The following HSD17B4 variants were observed in gnomAD, a reference collection of about 807,000 sequenced individuals.
HSD17B4 encodes the protein peroxisomal multifunctional enzyme type 2.
Under a neutral mutation model 101.0 loss-of-function variants are expected in HSD17B4, and 70 were observed. That is an observed-to-expected ratio of 0.69 (90% CI 0.57 to 0.85). The LOEUF (loss-of-function observed/expected upper bound fraction) is 0.85, where lower values mean the gene tolerates loss of function less well. Ranked by LOEUF, HSD17B4 falls within the 40% of genes least tolerant of loss-of-function variation. The pLI is 0.00. For missense variants in HSD17B4, 984 were observed against 892.4 expected (o/e 1.10, Z -1.31); for synonymous variants, 347 against 297.1 (o/e 1.17, Z -1.73).
chr5:119,516,570 T>A (rs1172249161), intron 17 of HSD17B4, among the ~76,000 whole-genome samples: 1 of 152,188 alleles, frequency 6.6e-6, no homozygotes, highest in Non-Finnish European at 1.5e-5. Context: ...TGGGCACTCA[T>A]CATTTGGCAG....
At chr5:119,470,617 T>C (rs759640914) in intron 2 of HSD17B4, among the ~76,000 whole-genome samples, 3 of 152,236 alleles carry the variant, frequency 2.0e-5, no homozygotes, top group Non-Finnish European at 4.4e-5. Context: ...CTAAGCTGAT[T>C]CCATCTGGAT....
chr5:119,509,435 C>A (rs769156297), intron 16 of HSD17B4, 191 bp downstream of exon 16: 62 of 694,800 alleles, frequency 8.9e-5, no homozygotes, highest in Middle Eastern at 3.4e-4. Flanking sequence ...CTCAGCCTAC[C>A]CAATGTGAGG....
chr5:119,479,387 T>C (rs1339229290), intron 8 of HSD17B4, among the ~76,000 whole-genome samples: 1 of 152,204 alleles, frequency 6.6e-6, no homozygotes, highest in Non-Finnish European at 1.5e-5. Context: ...AATTCTTCTA[T>C]ACTTTACCTC....
intron 12 of HSD17B4, among the ~76,000 whole-genome samples, chr5:119,498,553 G>C (rs10477586): frequency 0.012 from 1,858 of 152,244 alleles, 16 homozygotes; most frequent in African/African-American, 0.023. Context: ...ATATTCCTGG[G>C]AAGGAAATTC....
chr5:119,504,964 A>C (rs1448415380), intron 14 of HSD17B4, among the ~76,000 whole-genome samples: 2 of 152,194 alleles, frequency 1.3e-5, no homozygotes, highest in African/African-American at 4.8e-5. Context: ...ATTTTTCTGC[A>C]TATGGCTAGC....
At chr5:119,517,928 T>C (rs1296547938) in intron 17 of HSD17B4, among the ~76,000 whole-genome samples, 2 of 152,182 alleles carry the variant, frequency 1.3e-5, no homozygotes, top group African/African-American at 2.4e-5. Flanking sequence ...ATACTCTGTA[T>C]CTAGCTAATC....
intron 8 of HSD17B4, among the ~76,000 whole-genome samples, chr5:119,485,552 C>T (rs1040988267): frequency 6.6e-6 from 1 of 151,898 alleles, no homozygotes; most frequent in Non-Finnish European, 1.5e-5. Context: ...TTTTCTTACT[C>T]TTTTATAGTT....
At position 119,493,890 on chromosome 5, in the gene HSD17B4, C is replaced by T. The variant is rs755820270; in HGVS notation, c.812C>T (p.Ala271Val). ...CCAATGACTCCTGAGGCAGTCAAGG[C>T]TAACTGGAAGAAGATCTGTGACTTT... ...NHPMTPEAVKANWKKICDFEN... is the reference protein window; with the variant it reads ...NHPMTPEAVKVNWKKICDFEN... The change falls in exon 11 of 24, where the codon GCT becomes GTT. Residue 271 changes from alanine to valine, a missense_variant. Ala to Val is a moderately conservative substitution (Grantham distance 64). Coordinates refer to ENST00000510025, the MANE Select transcript of HSD17B4 (RefSeq NM_000414.4). The T allele has an allele frequency of 3.7e-6, 6 of 1,613,214 alleles. No homozygotes were observed. Among genetic ancestry groups the T allele is most frequent in the Non-Finnish European group, 5.1e-6 (6 of 1,179,398 alleles).
intron 16 of HSD17B4, 106 bp from the exon 17 acceptor site, chr5:119,514,875 C>T (rs1752474667): frequency 1.3e-6 from 1 of 745,998 alleles, no homozygotes; most frequent in South Asian, 1.5e-5. Flanking sequence ...ATCCAATTTG[C>T]AGAGTTTATT....
At chr5:119,481,202 T>G (rs1179377896) in intron 8 of HSD17B4, among the ~76,000 whole-genome samples, 1 of 152,122 alleles carries the variant, frequency 6.6e-6, no homozygotes, top group East Asian at 1.9e-4. Context: ...TCTTTACAAT[T>G]TATGTTTAGA....
intron 16 of HSD17B4, among the ~76,000 whole-genome samples, chr5:119,513,067 G>T (rs989233497): frequency 6.6e-6 from 1 of 152,132 alleles, no homozygotes; most frequent in Admixed American, 6.5e-5. Flanking sequence ...AAAAAAAGTT[G>T]TCCTCACTTA....
intron 21 of HSD17B4, 36 bp downstream of exon 21, chr5:119,530,016 C>T: frequency 8.1e-7 from 1 of 1,234,334 alleles, no homozygotes. Context: ...GCCACTTCCT[C>T]ATTTAGGAAT....
intron 2 of HSD17B4, among the ~76,000 whole-genome samples, chr5:119,468,059 C>T (rs1755990963): frequency 6.6e-6 from 1 of 152,054 alleles, no homozygotes; most frequent in African/African-American, 2.4e-5. Flanking sequence ...GAACTTCTGT[C>T]ATTTTGTTAA....
intron 9 of HSD17B4, among the ~76,000 whole-genome samples, chr5:119,491,207 T>G (rs1750072701): frequency 6.6e-6 from 1 of 152,178 alleles, no homozygotes; most frequent in African/African-American, 2.4e-5. Flanking sequence ...ATTTTGCCTG[T>G]TATCAAAACC....
intron 7 of HSD17B4, chr5:119,478,275 C>T (rs1474385894): frequency 6.5e-6 from 1 of 154,528 alleles, no homozygotes; most frequent in Non-Finnish European, 1.4e-5. Context: ...GAGGTCATTC[C>T]TGTTAATTTA....
At chr5:119,540,780 A>G (rs1162056246) in intron 23 of HSD17B4, among the ~76,000 whole-genome samples, 1 of 152,220 alleles carries the variant, frequency 6.6e-6, no homozygotes, top group Non-Finnish European at 1.5e-5. Context: ...TATTGTTAAC[A>G]AGCATTGCTG....
At chr5:119,488,850 T>C (rs1264024689) in intron 8 of HSD17B4, among the ~76,000 whole-genome samples, 1 of 152,138 alleles carries the variant, frequency 6.6e-6, no homozygotes, top group Admixed American at 6.6e-5. Context: ...TAGAATAATT[T>C]TGGGAATGAA....
At chr5:119,517,002 C>T (rs161853) in intron 17 of HSD17B4, among the ~76,000 whole-genome samples, 40,378 of 152,214 alleles carry the variant, frequency 0.27, 6,690 homozygotes, top group East Asian at 0.4. Flanking sequence ...CCCACTTTGG[C>T]GGCACTTGAG....
At chr5:119,469,370 C>G (rs1756131257) in intron 2 of HSD17B4, among the ~76,000 whole-genome samples, 1 of 150,994 alleles carries the variant, frequency 6.6e-6, no homozygotes, top group African/African-American at 2.4e-5. Flanking sequence ...ATTTATCCAC[C>G]TAGAGACAGG....
Sources: gnomAD v4.1 joint callset for allele counts (sites outside exome capture counted in the v4.1 genomes callset) on GRCh38, gnomAD v4.1.1 for gene constraint, MANE v1.5 for transcripts, NCBI Gene and HGNC (gene_info 2026-07-23, HGNC 2026-07-21) for gene names.